The following SSBP3 variants were observed in gnomAD, a reference collection of about 807,000 sequenced individuals.
SSBP3 encodes the protein single-stranded DNA-binding protein 3.
Under a neutral mutation model 69.6 loss-of-function variants are expected in SSBP3, and 5 were observed. The ratio of observed to expected loss-of-function variants is 0.07; its 90% CI spans 0.04 to 0.15. The LOEUF is 0.15. Ranked by LOEUF, SSBP3 falls within the 10% of genes least tolerant of loss-of-function variation. SSBP3 has a pLI of 1.00. For synonymous variants in SSBP3, 196 were observed against 193.4 expected (o/e 1.01, Z -0.11); for missense variants, 312 against 534.0 (o/e 0.58, Z 4.10).
At chr1:54,394,409 C>T in intron 4 of SSBP3, among the ~76,000 whole-genome samples, 1 of 151,212 alleles carries the variant, frequency 6.6e-6, no homozygotes, top group South Asian at 2.1e-4. Context: ...CTGACTGTAT[C>T]TTGGTCTCTT....
chr1:54,230,211 T>C (rs1644358044), intron 14 of SSBP3, among the ~76,000 whole-genome samples: 1 of 152,144 alleles, frequency 6.6e-6, no homozygotes, highest in Non-Finnish European at 1.5e-5. Flanking sequence ...TGGCGCATCC[T>C]TGCCTCTCCA....
At chr1:54,351,874 T>C (rs1646785898) in intron 4 of SSBP3, among the ~76,000 whole-genome samples, 1 of 152,146 alleles carries the variant, frequency 6.6e-6, no homozygotes, top group Non-Finnish European at 1.5e-5. Flanking sequence ...TGCCTATCTA[T>C]CCATCCACCC....
chr1:54,251,831 T>C (rs765962443), exon 8 of SSBP3: 4 of 1,611,736 alleles, frequency 2.5e-6, no homozygotes, highest in Middle Eastern at 2.2e-4. Flanking sequence ...TGGGCAGCAA[T>C]GGCTGTGTCC....
At chr1:54,283,580 G>A (rs2100895003) in intron 4 of SSBP3, among the ~76,000 whole-genome samples, 1 of 152,352 alleles carries the variant, frequency 6.6e-6, no homozygotes, top group East Asian at 1.9e-4. Context: ...GGACAGCTCT[G>A]TGAATCTAGC....
intron 9 of SSBP3, among the ~76,000 whole-genome samples, chr1:54,246,378 G>C (rs76421976): frequency 6.6e-6 from 1 of 152,310 alleles, no homozygotes; most frequent in East Asian, 1.9e-4. Flanking sequence ...TGTGTGTACA[G>C]CCCAGCTGAC....
rs550035286 is a variant in SSBP3 at position 54,228,728 on chromosome 1, C to T, written c.1006+20G>A. 6.2e-5 allele frequency: 97 copies of T among 1,573,430 alleles called. No individual in the cohort carries two copies. Among genetic ancestry groups the T allele is most frequent in the Non-Finnish European group, 7.1e-5 (83 of 1,160,880 alleles). On this transcript the variant is annotated intron_variant, in intron 15 of 17. Coordinates refer to ENST00000610401, the Ensembl canonical transcript of SSBP3. Reference sequence around the variant, plus strand: ...GCTGCCCAGGCAGGGTGGGGCATGGCGAGGGCAGGGGCCACTCACCTAATG... The same window carrying T: ...GCTGCCCAGGCAGGGTGGGGCATGGTGAGGGCAGGGGCCACTCACCTAATG...
upstream of SSBP3, among the ~76,000 whole-genome samples, chr1:54,410,561 A>G (rs1023644224): frequency 1.3e-5 from 2 of 152,214 alleles, no homozygotes; most frequent in Non-Finnish European, 2.9e-5. Flanking sequence ...CTAGAATTGC[A>G]CGGGGATACC....
chr1:54,237,444 A>G (rs1486315380), intron 14 of SSBP3: 1 of 152,166 alleles, frequency 6.6e-6, no homozygotes, highest in East Asian at 1.9e-4. Context: ...AGGTCAAAAA[A>G]ACCTTGATTT....
intron 4 of SSBP3, among the ~76,000 whole-genome samples, chr1:54,352,583 T>C (rs1646797367): frequency 1.3e-5 from 2 of 152,142 alleles, no homozygotes; most frequent in African/African-American, 4.8e-5. Flanking sequence ...ACTATAGTAA[T>C]GTTAATGGAA....
chr1:54,360,599 C>T (rs1646936296), intron 4 of SSBP3, among the ~76,000 whole-genome samples: 1 of 152,050 alleles, frequency 6.6e-6, no homozygotes, highest in Non-Finnish European at 1.5e-5. Flanking sequence ...CCAAGTGTTT[C>T]CACCAAAGAA....
At chr1:54,314,603 T>A (rs772330578) in intron 4 of SSBP3, among the ~76,000 whole-genome samples, 38 of 152,260 alleles carry the variant, frequency 2.5e-4, no homozygotes, top group Non-Finnish European at 8.8e-5. Context: ...TTGGGTCTGA[T>A]ACCTTGAACA....
intron 4 of SSBP3, among the ~76,000 whole-genome samples, chr1:54,364,414 G>C (rs1254676606): frequency 6.6e-6 from 1 of 152,214 alleles, no homozygotes; most frequent in African/African-American, 2.4e-5. Context: ...CTGAGACCCA[G>C]AGAAGGGGAG....
At chr1:54,252,185 T>C (rs957341722) in intron 7 of SSBP3, among the ~76,000 whole-genome samples, 9 of 152,162 alleles carry the variant, frequency 5.9e-5, no homozygotes, top group Non-Finnish European at 8.8e-5. Context: ...TAGGTCTTGC[T>C]CTGGCTGTAG....
At chr1:54,375,301 G>A (rs1384860500) in intron 4 of SSBP3, among the ~76,000 whole-genome samples, 1 of 152,136 alleles carries the variant, frequency 6.6e-6, no homozygotes, top group Non-Finnish European at 1.5e-5. Context: ...AACCACCTAG[G>A]GGAATTTATT....
intron 17 of SSBP3, 23 bp from the exon 18 acceptor site, chr1:54,227,183 G>C (rs764276864): frequency 2.6e-6 from 3 of 1,158,312 alleles, no homozygotes; most frequent in Non-Finnish European, 2.5e-6. Flanking sequence ...AGCAGAGAAG[G>C]GGGGGGGGTG....
intron 4 of SSBP3, among the ~76,000 whole-genome samples, chr1:54,374,246 C>T (rs1332683409): frequency 1.3e-5 from 2 of 152,170 alleles, no homozygotes; most frequent in South Asian, 4.1e-4. Context: ...CAGCCCACGG[C>T]GTGTTGGGGA....
chr1:54,329,257 A>G (rs12564882), intron 4 of SSBP3, among the ~76,000 whole-genome samples: 43,561 of 152,054 alleles, frequency 0.29, 9,192 homozygotes, highest in African/African-American at 0.58. Context: ...CTTTTTTTAA[A>G]GGGCTGTTCA....
intron 9 of SSBP3, among the ~76,000 whole-genome samples, chr1:54,247,395 G>A (rs1183219360): frequency 6.6e-6 from 1 of 152,188 alleles, no homozygotes; most frequent in Non-Finnish European, 1.5e-5. Context: ...TGGGCAGCAG[G>A]GGCCTGGCCA....
chr1:54,344,076 C>T (rs2100540304), intron 4 of SSBP3, among the ~76,000 whole-genome samples: 1 of 152,168 alleles, frequency 6.6e-6, no homozygotes, highest in Admixed American at 6.5e-5. Context: ...GCATGATGGC[C>T]AAGAGGTGCC....
Sources: allele counts gnomAD v4.1 joint callset (sites outside exome capture counted in the v4.1 genomes callset), GRCh38; gene constraint gnomAD v4.1.1; transcripts MANE v1.5; gene names NCBI Gene and HGNC (gene_info 2026-07-23, HGNC 2026-07-21).